Variants in PARM1 observed in about 807,000 individuals in gnomAD.
PARM1 encodes WSC4, cell wall integrity and stress response component 4 homolog.
In PARM1, 14 loss-of-function variants were observed where a neutral mutation model predicts 24.6. The ratio of observed to expected loss-of-function variants is 0.57; its 90% CI spans 0.38 to 0.89. The LOEUF (loss-of-function observed/expected upper bound fraction) is 0.89. PARM1 is among the 40% of genes least tolerant of loss of function. The probability of loss-of-function intolerance (pLI) is 0.00; values close to 1 mark genes in which losing one functional copy is unlikely to be tolerated. For missense variants in PARM1, 362 were observed against 380.4 expected (o/e 0.95, Z 0.40); for synonymous variants, 179 against 156.6 (o/e 1.14, Z -1.07).
rs1721515881 is a variant in PARM1 at position 74,951,249 on chromosome 4, C to T, written c.43+17879C>T. On this transcript the variant is annotated intron_variant, in intron 1 of 3. Coordinates refer to ENST00000307428, the MANE Select transcript of PARM1 (RefSeq NM_015393.4). ...CACTTCTCCTCTGCCAGGTTCAATA[C>T]TCTGTTGTTTACAACACCGTATCAT... 5.3e-5 allele frequency among the ~76,000 whole-genome samples: 8 copies of T among 152,220 alleles called. No homozygotes were observed. The South Asian group carries it at 1.7e-3, about 32-fold the overall frequency.
At chr4:75,040,035 T>C (rs6534199) in intron 3 of PARM1, among the ~76,000 whole-genome samples, 66,373 of 152,024 alleles carry the variant, frequency 0.44, 15,108 homozygotes, top group East Asian at 0.73. Flanking sequence ...CTACCAGTTT[T>C]CTCCACTAGA....
intron 3 of PARM1, among the ~76,000 whole-genome samples, chr4:75,042,143 C>T (rs1464433734): frequency 6.6e-6 from 1 of 152,180 alleles, no homozygotes; most frequent in Non-Finnish European, 1.5e-5. Flanking sequence ...ATAGACACTC[C>T]ATATACACTA....
chr4:74,943,141 G>A (rs1318652637), intron 1 of PARM1, among the ~76,000 whole-genome samples: 1 of 152,112 alleles, frequency 6.6e-6, no homozygotes, highest in Non-Finnish European at 1.5e-5. Context: ...TCTTAAAATT[G>A]TAGTCTGTTC....
At chr4:74,964,502 C>T (rs758157523) in intron 1 of PARM1, among the ~76,000 whole-genome samples, 56 of 152,062 alleles carry the variant, frequency 3.7e-4, no homozygotes, top group African/African-American at 7.5e-4. Flanking sequence ...GATAAGCCTT[C>T]GCTGACCTCT....
intron 1 of PARM1, among the ~76,000 whole-genome samples, chr4:75,006,945 T>A (rs1046007437): frequency 2.0e-5 from 3 of 151,892 alleles, no homozygotes; most frequent in African/African-American, 4.8e-5. Flanking sequence ...GCAACCTACA[T>A]AATGGGAGAA....
intron 1 of PARM1, chr4:74,999,045 T>G (rs143658167): frequency 6.6e-6 from 1 of 152,320 alleles, no homozygotes; most frequent in East Asian, 1.9e-4. Context: ...CTGGGTCTCA[T>G]AGACGAGAGG....
rs115485445 is a variant in PARM1 at position 74,981,467 on chromosome 4, G to A, written c.44-30958G>A. Among the ~76,000 whole-genome samples, 711 of 152,286 alleles carry A rather than the reference G, an allele frequency of 4.7e-3. 3 individuals carry two copies. Among genetic ancestry groups the A allele is most frequent in the African/African-American group, 0.016 (677 of 41,566 alleles). ...CATTCAGAATGGCACTTATTAAAAG[G>A]TCAAGAAACGACAGATGCTGGTGAG... On this transcript the variant is annotated intron_variant, in intron 1 of 3. Transcript: ENST00000307428.
chr4:75,024,853 C>A (rs528137547), intron 2 of PARM1, among the ~76,000 whole-genome samples: 1 of 152,250 alleles, frequency 6.6e-6, no homozygotes, highest in African/African-American at 2.4e-5. Context: ...TGTCCGCCAC[C>A]ACGCCCCGCT....
intron 2 of PARM1, among the ~76,000 whole-genome samples, chr4:75,020,441 T>A (rs1352928986): frequency 6.6e-6 from 1 of 152,004 alleles, no homozygotes; most frequent in Non-Finnish European, 1.5e-5. Flanking sequence ...TTCATTTTTA[T>A]CTCAGAGCTC....
At chr4:74,975,327 T>A (rs1722121435) in intron 1 of PARM1, among the ~76,000 whole-genome samples, 1 of 152,124 alleles carries the variant, frequency 6.6e-6, no homozygotes, top group Non-Finnish European at 1.5e-5. Context: ...CATGTTAGAG[T>A]GCGGTATTAT....
chr4:75,025,751 A>G (rs572800773), intron 2 of PARM1, among the ~76,000 whole-genome samples: 4 of 152,322 alleles, frequency 2.6e-5, no homozygotes, highest in African/African-American at 7.2e-5. Context: ...TCTAGCATAC[A>G]TTTTTAACTA....
chr4:75,022,769 A>G (rs767741875), intron 2 of PARM1, among the ~76,000 whole-genome samples: 7 of 152,224 alleles, frequency 4.6e-5, no homozygotes, highest in African/African-American at 1.7e-4. Context: ...TCAAAAAAGC[A>G]TGCCTTTTTA....
At chr4:75,007,666 A>T (rs1400350257) in intron 1 of PARM1, among the ~76,000 whole-genome samples, 1 of 129,466 alleles carries the variant, frequency 7.7e-6, no homozygotes, top group Non-Finnish European at 1.7e-5. Flanking sequence ...CTGCAGAGAC[A>T]CGAGTTCTAC....
chr4:75,041,457 G>T (rs1049718289), intron 3 of PARM1, among the ~76,000 whole-genome samples: 2 of 152,180 alleles, frequency 1.3e-5, no homozygotes, highest in Admixed American at 6.5e-5. Context: ...GGCAAGACTT[G>T]CTTGACTAAA....
At chr4:74,965,686 G>A (rs76563304) in intron 1 of PARM1, among the ~76,000 whole-genome samples, 6,218 of 152,164 alleles carry the variant, frequency 0.041, 412 homozygotes, top group African/African-American at 0.14. Context: ...AGAATACTTC[G>A]CTTCTATGGT....
intron 1 of PARM1, among the ~76,000 whole-genome samples, chr4:75,008,118 CA>C (rs1722806806): frequency 6.6e-6 from 1 of 152,232 alleles, no homozygotes; most frequent in Non-Finnish European, 1.5e-5. Context: ...AGACCTACCC[CA>C]GGAGTCAGTG....
At chr4:75,029,259 C>T (rs965525401) in intron 2 of PARM1, among the ~76,000 whole-genome samples, 11 of 152,088 alleles carry the variant, frequency 7.2e-5, no homozygotes, top group African/African-American at 1.7e-4. Context: ...GAGTAGTGGC[C>T]GACAAGGCTG....
Position 75,049,852 on chromosome 4 carries a change from TAAGC to T in PARM1, c.*3606_*3609del, listed in dbSNP as rs1723682940. On this transcript the variant is annotated 3_prime_UTR_variant, in exon 4 of 4. Coordinates refer to ENST00000307428, the MANE Select transcript of PARM1 (RefSeq NM_015393.4). ...CACGTTGATTCACCTTCTTTGCCTT[TAAGC>T]CTTTTTTTTCTTTTTTTTTTTTTTG... 1.3e-5 allele frequency: 2 copies of T among 148,402 alleles called. No individual in the cohort carries two copies. Among genetic ancestry groups the T allele is most frequent in the Admixed American group, 6.7e-5 (1 of 14,882 alleles). 9.2% of individuals were successfully genotyped at this position (148,402 alleles called of 1,614,324 possible).
At chr4:74,934,675 C>G (rs1197251548) in intron 1 of PARM1, among the ~76,000 whole-genome samples, 3 of 152,218 alleles carry the variant, frequency 2.0e-5, no homozygotes, top group African/African-American at 7.2e-5. Context: ...ATGAGAGAGC[C>G]TAGGTCCGGC....
Sources: gnomAD v4.1 joint callset for allele counts (sites outside exome capture counted in the v4.1 genomes callset) on GRCh38, gnomAD v4.1.1 for gene constraint, MANE v1.5 for transcripts, NCBI Gene and HGNC (gene_info 2026-07-23, HGNC 2026-07-21) for gene names.